PYGB: variants seen among roughly 807,000 people sequenced by gnomAD.
The protein encoded by PYGB is glycogen phosphorylase B.
Under a neutral mutation model 94.3 loss-of-function variants are expected in PYGB, and 82 were observed. The ratio of observed to expected loss-of-function variants is 0.87; its 90% CI spans 0.73 to 1.04. The LOEUF (loss-of-function observed/expected upper bound fraction) is 1.04, where lower values mean the gene tolerates loss of function less well. PYGB is among the 50% of genes least tolerant of loss of function. PYGB has a pLI of 0.00. For synonymous variants in PYGB, 488 were observed against 479.1 expected, an observed-to-expected ratio of 1.02 and a Z score of -0.24; for missense variants, 1,132 against 1,158.2, an observed-to-expected ratio of 0.98 and a Z score of 0.33.
rs6050523 is a variant in PYGB at position 25,291,406 on chromosome 20, G to A, written c.1969+784G>A. ...CCAAGGGCCCCCCCTAGTTCAGGCC[G>A]CCTGGGCTTCCCAGGCTGCCGCAGG... is the stretch of plus-strand genomic sequence containing the variant. On this transcript the variant is annotated intron_variant, in intron 16 of 19. Coordinates refer to ENST00000216962, the MANE Select transcript of PYGB (RefSeq NM_002862.4). Among the ~76,000 whole-genome samples, 777 of 152,232 alleles carry A rather than the reference G, an allele frequency of 5.1e-3. 10 individuals carry two copies. Among genetic ancestry groups the A allele is most frequent in the African/African-American group, 0.017 (713 of 41,554 alleles).
intron 7 of PYGB, among the ~76,000 whole-genome samples, chr20:25,277,564 G>A (rs193026795): frequency 9.2e-4 from 140 of 152,244 alleles, no homozygotes; most frequent in African/African-American, 3.0e-3. Flanking sequence ...TCCTCTCTCC[G>A]AGGACACTCT....
intron 16 of PYGB, 55 bp downstream of exon 16, chr20:25,290,677 GT>G: frequency 6.3e-7 from 1 of 1,581,244 alleles, no homozygotes. Context: ...GGGAACGGGC[GT>G]TGTACTGGCC....
At chr20:25,264,400 A>G (rs1302385567) in intron 2 of PYGB, among the ~76,000 whole-genome samples, 4 of 152,338 alleles carry the variant, frequency 2.6e-5, no homozygotes, top group Admixed American at 6.5e-5. Context: ...CTCCTATTCA[A>G]CATAGTGTTG....
rs767542908 is a variant in PYGB at position 25,296,369 on chromosome 20, G to T, written c.2380-1G>T. 1.9e-6 allele frequency: 3 copies of T among 1,613,894 alleles called. No individual in the cohort carries two copies. Among genetic ancestry groups the T allele is most frequent in the African/African-American group, 2.7e-5 (2 of 74,908 alleles). On this transcript the variant is annotated splice_acceptor_variant, in intron 19 of 19. Coordinates refer to ENST00000216962, the MANE Select transcript of PYGB (RefSeq NM_002862.4). LOFTEE classifies it high-confidence loss of function. ...GACTAATTTCATCTCCTTCCCTGCAGAACCCCAAGGAGTGGACCAAGAAGG... is the reference window on the plus strand; with the variant it reads ...GACTAATTTCATCTCCTTCCCTGCATAACCCCAAGGAGTGGACCAAGAAGG...
chr20:25,248,523 C>T (rs937663298), intron 1 of PYGB, 102 bp downstream of exon 1: 11 of 1,231,812 alleles, frequency 8.9e-6, no homozygotes, highest in Non-Finnish European at 1.1e-5. Context: ...TCGGGCGTTA[C>T]CTGCGCCCCT....
chr20:25,294,570 T>C (rs2088510240), intron 18 of PYGB, among the ~76,000 whole-genome samples: 1 of 152,108 alleles, frequency 6.6e-6, no homozygotes, highest in Non-Finnish European at 1.5e-5. Context: ...GGAGGGGGTG[T>C]CCTCTGCTGG....
At chr20:25,267,689 C>G (rs1320666642) in intron 2 of PYGB, among the ~76,000 whole-genome samples, 2 of 152,124 alleles carry the variant, frequency 1.3e-5, no homozygotes, top group Non-Finnish European at 2.9e-5. Flanking sequence ...CACCACCGTA[C>G]CCAGCTAATT....
intron 16 of PYGB, among the ~76,000 whole-genome samples, chr20:25,291,059 C>T (rs1209530473): frequency 6.6e-6 from 1 of 152,104 alleles, no homozygotes; most frequent in African/African-American, 2.4e-5. Context: ...CCTCTGCTGG[C>T]AGGACATGCA....
At chr20:25,284,285 T>TG (rs2088398020) in intron 14 of PYGB, 34 bp downstream of exon 14, 1 of 1,598,908 alleles carries the variant, frequency 6.3e-7, no homozygotes, top group African/African-American at 1.3e-5. Context: ...GACCGCGCTG[T>TG]GGGGCCCAAG....
chr20:25,259,547 G>A (rs1337406902), intron 2 of PYGB, among the ~76,000 whole-genome samples: 5 of 152,182 alleles, frequency 3.3e-5, no homozygotes, highest in South Asian at 2.1e-4. Context: ...CGAACGGACC[G>A]CAAGCGTGGG....
intron 1 of PYGB, among the ~76,000 whole-genome samples, chr20:25,253,666 C>G (rs1404003469): frequency 8.1e-6 from 1 of 123,982 alleles, no homozygotes; most frequent in Non-Finnish European, 1.7e-5. Context: ...ATAAGGTAAC[C>G]GACCTCACCT....
At position 25,259,278 on chromosome 20, in the gene PYGB, G is replaced by A. The variant is rs201935645; in HGVS notation, c.285G>A (p.Thr95=). 20 of 1,611,910 alleles carry A rather than the reference G, an allele frequency of 1.2e-5. No homozygotes were observed. The highest frequency in any genetic ancestry group is 1.6e-4 in the Middle Eastern group (1 of 6,082). ...CCCTGGAATTCTACATGGGTCGCAC[G>A]CTGCAGAACACGATGGTGAACCTGG... ...YLSLEFYMGR[T]LQNTMVNLGL... The change falls in exon 2 of 20, where the codon ACG becomes ACA. Residue 95 remains threonine (T), a synonymous_variant. Transcript: ENST00000216962.
chr20:25,298,008 G>C lies in PYGB; in HGVS notation c.*1486G>C, dbSNP rs200516855. On this transcript the variant is annotated 3_prime_UTR_variant, in exon 20 of 20. Transcript: ENST00000216962. ...GATTAAACCTTTGTGGCTGTGGTTG[G>C]CTGACATGGGGTCTGTGTTTCACTA... The C allele has an allele frequency of 2.0e-5, 3 of 147,116 alleles. No homozygotes were observed. The highest frequency in any genetic ancestry group is 7.6e-5 in the African/African-American group (3 of 39,636). The allele number at this position is 147,116 out of a possible 1,614,324, so 9.1% of individuals were successfully genotyped here. A position where few individuals can be genotyped will look rare whatever the true frequency, so the allele number is the denominator to read the frequency against.
chr20:25,267,517 C>A (rs932288950), intron 2 of PYGB, among the ~76,000 whole-genome samples: 4 of 142,150 alleles, frequency 2.8e-5, no homozygotes, highest in African/African-American at 1.0e-4. Context: ...TGGACTTTGT[C>A]AGCTACTTTT....
chr20:25,277,138 C>T (rs1228412004), intron 6 of PYGB, 106 bp from the exon 7 acceptor site: 2 of 846,302 alleles, frequency 2.4e-6, no homozygotes, highest in East Asian at 5.0e-5. Context: ...TGGGGGAGTC[C>T]TGTGCTCGAG....
chr20:25,267,986 A>AT (rs1568687400), intron 2 of PYGB, among the ~76,000 whole-genome samples: 1 of 152,154 alleles, frequency 6.6e-6, no homozygotes, highest in South Asian at 2.1e-4. Flanking sequence ...ATATGTAGAG[A>AT]TTTTTTAAAA....
Position 25,248,117 on chromosome 20 carries a change from C to G in PYGB, c.-62C>G. ...CGGCGCCAGAGCAGCTGCACCATCCCGGCGTTCGCGTGTGCCGCCGCTTTC... is the reference window on the plus strand; with the variant it reads ...CGGCGCCAGAGCAGCTGCACCATCCGGGCGTTCGCGTGTGCCGCCGCTTTC... On this transcript the variant is annotated 5_prime_UTR_variant, in exon 1 of 20. Coordinates refer to ENST00000216962, the MANE Select transcript of PYGB (RefSeq NM_002862.4). 6.6e-7 allele frequency: 1 copy of G among 1,508,496 alleles called. No homozygotes were observed. Among genetic ancestry groups the G allele is most frequent in the Non-Finnish European group, 8.8e-7 (1 of 1,130,682 alleles). The allele number at this position is 1,508,496 out of a possible 1,614,324, so 93.4% of individuals were successfully genotyped here. A position where few individuals can be genotyped will look rare whatever the true frequency, so the allele number is the denominator to read the frequency against.
rs1600734966 is a variant in PYGB, at chr20:25,281,052, T to C, written c.1343T>C (p.Ile448Thr). Residue 448 changes from isoleucine (I) to threonine (T), a missense_variant, in exon 11 of 20, where the codon ATT (isoleucine) becomes ACT (threonine). Physicochemically the swap from Ile to Thr is moderately conservative, Grantham distance 89. Transcript: ENST00000216962. ...ATCAACATGGCCCACCTGTGTGTGATTGGGTCCCATGCTGTCAATGGTGTG... is the reference window on the plus strand; with the variant it reads ...ATCAACATGGCCCACCTGTGTGTGACTGGGTCCCATGCTGTCAATGGTGTG... ...KRINMAHLCV[I>T]GSHAVNGVAR... 1 of 1,614,176 alleles carries C rather than the reference T, an allele frequency of 6.2e-7. No homozygotes were observed. The highest frequency in any genetic ancestry group is 2.2e-5 in the East Asian group (1 of 44,882).
At chr20:25,289,516 C>G (rs1429332439) in intron 15 of PYGB, among the ~76,000 whole-genome samples, 1 of 151,940 alleles carries the variant, frequency 6.6e-6, no homozygotes, top group Non-Finnish European at 1.5e-5. Flanking sequence ...CGTGGTGGTT[C>G]ATGTCTGTAG....
Sources: gnomAD v4.1 joint callset for allele counts (sites outside exome capture counted in the v4.1 genomes callset) on GRCh38, gnomAD v4.1.1 for gene constraint, MANE v1.5 for transcripts, NCBI Gene and HGNC (gene_info 2026-07-23, HGNC 2026-07-21) for gene names.